Variants in CYP3A7 observed in about 807,000 individuals in gnomAD.
CYP3A7 encodes the protein cytochrome P450 family 3 subfamily A member 7, also known as cytochrome P450 3A7.
Under a neutral mutation model 55.2 loss-of-function variants are expected in CYP3A7, and 45 were observed. The observed-to-expected ratio is 0.82, with a 90% confidence interval of 0.64 to 1.05. The LOEUF (loss-of-function observed/expected upper bound fraction) is 1.05. CYP3A7 is among the 50% of genes least tolerant of loss of function. CYP3A7 has a pLI of 0.00. For missense variants in CYP3A7, 548 were observed against 605.3 expected (o/e 0.91, Z 0.99); for synonymous variants, 180 against 207.4 (o/e 0.87, Z 1.13).
intron 2 of CYP3A7, among the ~76,000 whole-genome samples, chr7:99,724,705 C>T (rs1375448943): frequency 1.3e-5 from 2 of 152,178 alleles, no homozygotes; most frequent in African/African-American, 4.8e-5. Flanking sequence ...CCTCCTCCAC[C>T]TGCCCAACAA....
rs183800671 is a variant in CYP3A7 at position 99,705,167 on chromosome 7, G to C, written c.*333C>G. The C allele has an allele frequency of 5.8e-4, 149 of 256,392 alleles. No homozygotes were observed. Among genetic ancestry groups the C allele is most frequent in the Middle Eastern group, 2.8e-3 (2 of 726 alleles). 15.9% of individuals were successfully genotyped at this position (256,392 alleles called of 1,614,324 possible). Reference sequence around the variant, plus strand: ...AATTCCTATTTTTATTAATGATTGTGGTTGAAATTATTGAGAAATGTTAAT... The same window carrying C: ...AATTCCTATTTTTATTAATGATTGTCGTTGAAATTATTGAGAAATGTTAAT... On this transcript the variant is annotated 3_prime_UTR_variant, in exon 13 of 13. Transcript: ENST00000336374.
chr7:99,707,904 A>G lies in CYP3A7; in HGVS notation c.1324T>C (p.Cys442Arg). ...ACGAGAGCAAACCTCATGCCAATGC[A>G]GTTTCTGGGTCCACTTCCAAAGGGT... is the stretch of plus-strand genomic sequence containing the variant. ...YTPFGSGPRN[C>R]IGMRFALVNM... The change falls in exon 12 of 13, where the codon TGC becomes CGC. Residue 442 changes from cysteine to arginine, a missense_variant. Physicochemically the swap from Cys to Arg is radical, Grantham distance 180. Transcript: ENST00000336374. 6.2e-7 allele frequency: 1 copy of G among 1,614,048 alleles called. No individual in the cohort carries two copies. Among genetic ancestry groups the G allele is most frequent in the Non-Finnish European group, 8.5e-7 (1 of 1,179,922 alleles).
At chr7:99,726,563 C>T (rs937913154) in intron 2 of CYP3A7, among the ~76,000 whole-genome samples, 1 of 152,204 alleles carries the variant, frequency 6.6e-6, no homozygotes, top group Non-Finnish European at 1.5e-5. Flanking sequence ...CCCAGCCTCT[C>T]TTTGCTTTTA....
At chr7:99,728,530 A>G (rs1456325834) in intron 2 of CYP3A7, among the ~76,000 whole-genome samples, 1 of 152,194 alleles carries the variant, frequency 6.6e-6, no homozygotes, top group East Asian at 1.9e-4. Context: ...ACTCCCTCTC[A>G]TCTTTTCACT....
chr7:99,716,054 C>T (rs1813933991), intron 6 of CYP3A7, 148 bp from the exon 7 acceptor site: 2 of 1,495,546 alleles, frequency 1.3e-6, no homozygotes, highest in Non-Finnish European at 1.8e-6. Flanking sequence ...TCCCATCACA[C>T]TCCCTCAGAA....
At position 99,707,856 on chromosome 7, in the gene CYP3A7, T is replaced by C. The variant is rs771794260; in HGVS notation, c.1372A>G (p.Arg458Gly). Residue 458 changes from arginine to glycine, a missense_variant, in exon 12 of 13, where the codon AGA becomes GGA. Physicochemically the swap from Arg to Gly is moderately radical, Grantham distance 125 (BLOSUM62 -2). Coordinates refer to ENST00000336374, the MANE Select transcript of CYP3A7 (RefSeq NM_000765.5). ...TTGAAGGAGAAGTTCTGAAGGACTCTGACTAGAGCAAGTTTCATGTTCACG... is the reference window on the plus strand; with the variant it reads ...TTGAAGGAGAAGTTCTGAAGGACTCCGACTAGAGCAAGTTTCATGTTCACG... ...ALVNMKLALV[R>G]VLQNFSFKPC... 6.2e-7 allele frequency: 1 copy of C among 1,614,052 alleles called. No individual in the cohort carries two copies. The highest frequency in any genetic ancestry group is 1.7e-5 in the Admixed American group (1 of 60,010).
chr7:99,710,758 C>G lies in CYP3A7; in HGVS notation c.1000G>C (p.Glu334Gln), dbSNP rs147031398. 16 of 1,613,822 alleles carry G rather than the reference C, an allele frequency of 9.9e-6. No individual in the cohort carries two copies. Among genetic ancestry groups the G allele is most frequent in the Non-Finnish European group, 1.4e-5 (16 of 1,179,896 alleles). The change falls in exon 10 of 13, where the codon GAA (glutamate) becomes CAA (glutamine). Residue 334 changes from glutamate to glutamine, a missense_variant. Transcript: ENST00000336374. ...HPDVQQKVQK[E>Q]IDTVLPNKAP... is the part of the protein sequence containing the mutation. ...TTATTGGGTAAAACTGTATCAATTT[C>G]CTTCTGCACTTTCTGCTGGACATCA...
chr7:99,708,235 A>G (rs1813595126), intron 11 of CYP3A7, among the ~76,000 whole-genome samples: 1 of 152,146 alleles, frequency 6.6e-6, no homozygotes, highest in Admixed American at 6.5e-5. Flanking sequence ...TTATTTCTAA[A>G]CACTCAAATT....
At chr7:99,722,179 A>C (rs1814228457) in intron 3 of CYP3A7, 117 bp downstream of exon 3, 5 of 1,269,188 alleles carry the variant, frequency 3.9e-6, no homozygotes, top group Non-Finnish European at 5.7e-6. Flanking sequence ...CTCTGTTTGT[A>C]GTTAGGCTGG....
intron 2 of CYP3A7, 140 bp downstream of exon 2, chr7:99,730,919 C>T (rs1347544154): frequency 2.1e-5 from 25 of 1,163,726 alleles, no homozygotes; most frequent in Admixed American, 2.5e-5. Context: ...AACTTTGCCA[C>T]GCTCTGGGTG....
In CYP3A7 at chr7:99,722,353, G is replaced by C. The variant is rs1161237910; in HGVS notation, c.166-5C>G. ...CATGTCAAACGTCCAATAGCCCTGG[G>C]AGGAGAAACAAAATAATATTTCATT... On this transcript the variant is annotated splice_polypyrimidine_tract_variant and splice_region_variant and intron_variant, in intron 2 of 12. Transcript: ENST00000336374. The C allele has an allele frequency of 6.2e-7, 1 of 1,613,372 alleles. No homozygotes were observed. Among genetic ancestry groups the C allele is most frequent in the African/African-American group, 1.3e-5 (1 of 74,956 alleles).
chr7:99,735,049 C>A lies in CYP3A7; in HGVS notation c.45G>T (p.Leu15=). 1 of 1,614,100 alleles carries A rather than the reference C, an allele frequency of 6.2e-7. No individual in the cohort carries two copies. The change falls in exon 1 of 13, where the codon CTG becomes CTT. Residue 15 remains leucine, a synonymous_variant. Transcript: ENST00000336374. The part of the protein sequence containing the change: ...PNLAVETWLL[L]AVSLILLYLY... ...GATAGAGGAGTATCAGGCTGACAGC[C>A]AGGAGAAGCCAGGTTTCCACGGCCA...
chr7:99,714,406 T>C, intron 8 of CYP3A7, 149 bp downstream of exon 8: 1 of 1,324,190 alleles, frequency 7.6e-7, no homozygotes, highest in Non-Finnish European at 1.0e-6. Context: ...TCTGCATTCC[T>C]ACCAAATGAA....
intron 2 of CYP3A7, among the ~76,000 whole-genome samples, chr7:99,726,099 C>T (rs1156576817): frequency 6.6e-5 from 10 of 152,164 alleles, no homozygotes; most frequent in Non-Finnish European, 1.5e-5. Context: ...TCATTGCCAT[C>T]CTTCTTCCCA....
At chr7:99,720,662 T>G in intron 3 of CYP3A7, 1 of 416,450 alleles carries the variant, frequency 2.4e-6, no homozygotes, top group Non-Finnish European at 4.4e-6. Flanking sequence ...AAAAGAGCTC[T>G]TCAAAGAGAT....
Position 99,709,106 on chromosome 7 carries a change from C to T in CYP3A7, c.1182G>A (p.Val394=), listed in dbSNP as rs1278135085. Reference sequence around the variant, plus strand: ...GATGAAGAACATAGCTTGGAATCATCACCACCACCCCTTTGGGAATAAACA... The same window carrying T: ...GATGAAGAACATAGCTTGGAATCATTACCACCACCCCTTTGGGAATAAACA... The part of the protein sequence containing the change: ...NGMFIPKGVV[V]MIPSYVLHHD... The change falls in exon 11 of 13, where the codon GTG becomes GTA. Residue 394 remains valine, a synonymous_variant. Transcript: ENST00000336374. 2 of 1,613,956 alleles carry T rather than the reference C, an allele frequency of 1.2e-6. No homozygotes were observed. Among genetic ancestry groups the T allele is most frequent in the South Asian group, 2.2e-5 (2 of 91,080 alleles).
chr7:99,720,236 C>A, intron 4 of CYP3A7, 77 bp downstream of exon 4: 1 of 1,561,498 alleles, frequency 6.4e-7, no homozygotes. Context: ...AGGCAACTGT[C>A]TATGAATATA....
At chr7:99,709,585 A>G (rs2151503051) in intron 10 of CYP3A7, among the ~76,000 whole-genome samples, 1 of 152,324 alleles carries the variant, frequency 6.6e-6, no homozygotes, top group African/African-American at 2.4e-5. Context: ...CTAGCATCAA[A>G]TAAAATATGA....
In CYP3A7 at chr7:99,720,426, AC is replaced by A. The variant is rs1306976472; in HGVS notation, c.219-15del. On this transcript the variant is annotated splice_polypyrimidine_tract_variant and intron_variant, in intron 3 of 12. Coordinates refer to ENST00000336374, the MANE Select transcript of CYP3A7 (RefSeq NM_000765.5). ...CAGTCATAAATACTGTGTGGAGAAA[AC>A]AGAGTTGATTAAACATCAACAGCCT... 1 of 1,613,208 alleles carries A rather than the reference AC, an allele frequency of 6.2e-7. No homozygotes were observed.
Sources: gnomAD v4.1 joint callset for allele counts (sites outside exome capture counted in the v4.1 genomes callset) on GRCh38, gnomAD v4.1.1 for gene constraint, MANE v1.5 for transcripts, NCBI Gene and HGNC (gene_info 2026-07-23, HGNC 2026-07-21) for gene names.